LIFR: variants seen among roughly 807,000 people sequenced by gnomAD.
LIFR encodes LIF receptor subunit alpha.
In LIFR, 84 loss-of-function variants were observed where a neutral mutation model predicts 122.2. That is an observed-to-expected ratio of 0.69 (90% CI 0.58 to 0.82). The LOEUF is 0.82. Ranked by LOEUF, LIFR falls within the 40% of genes least tolerant of loss-of-function variation. The probability of loss-of-function intolerance (pLI) is 0.00; values close to 1 mark genes in which losing one functional copy is unlikely to be tolerated. For synonymous variants in LIFR, 422 were observed against 434.7 expected (o/e 0.97, Z 0.36); for missense variants, 1,294 against 1,311.6 (o/e 0.99, Z 0.21).
At position 38,479,526 on chromosome 5, in the gene LIFR, G is replaced by GA. The variant is rs1322163840; in HGVS notation, c.*2068dup. On this transcript the variant is annotated 3_prime_UTR_variant, in exon 20 of 20. Transcript: ENST00000453190. ...AAATGCATATATATTGACAGACAGAGATCAAACAATCTCTTCTGGCCTTTT... is the reference window on the plus strand; with the variant it reads ...AAATGCATATATATTGACAGACAGAGAATCAAACAATCTCTTCTGGCCTTTT... 3 of 231,456 alleles carry GA rather than the reference G, an allele frequency of 1.3e-5. No homozygotes were observed. Among genetic ancestry groups the GA allele is most frequent in the African/African-American group, 6.6e-5 (3 of 45,258 alleles). The allele number at this position is 231,456 out of a possible 1,614,324, so 14.3% of individuals were successfully genotyped here. A position where few individuals can be genotyped will look rare whatever the true frequency, so the allele number is the denominator to read the frequency against.
intron 7 of LIFR, among the ~76,000 whole-genome samples, chr5:38,507,481 T>G (rs979985718): frequency 1.3e-5 from 2 of 150,718 alleles, no homozygotes; most frequent in Non-Finnish European, 2.9e-5. Context: ...GGAGAACCGC[T>G]TGAACCTGGG....
At position 38,482,214 on chromosome 5, in the gene LIFR, C is replaced by T. The variant is rs1369925201; in HGVS notation, c.2675G>A (p.Ser892Asn). The part of the protein sequence containing the change: ...LQFQKSVCEG[S>N]SALKTLEMNP... ...CATTTCCAATGTTTTAAGAGCACTG[C>T]TTCCCTAGAAATAAATTTAAACACA... The change falls in exon 20 of 20, where the codon AGC becomes AAC. Residue 892 changes from serine (S) to asparagine (N), a missense_variant. Ser to Asn is a conservative substitution (Grantham distance 46). Coordinates refer to ENST00000453190, the MANE Select transcript of LIFR (RefSeq NM_001127671.2). 6.2e-7 allele frequency: 1 copy of T among 1,604,430 alleles called. No individual in the cohort carries two copies. Among genetic ancestry groups the T allele is most frequent in the Admixed American group, 1.7e-5 (1 of 57,364 alleles).
chr5:38,541,562 T>A (rs745328097), intron 1 of LIFR, among the ~76,000 whole-genome samples: 1 of 152,240 alleles, frequency 6.6e-6, no homozygotes, highest in Non-Finnish European at 1.5e-5. Flanking sequence ...TATCACATGA[T>A]CAACCTTACT....
chr5:38,504,415 C>CAAAAAAAAAAAAAAAAAAAAAAAAA (rs71604899), intron 9 of LIFR, among the ~76,000 whole-genome samples: 3 of 120,444 alleles, frequency 2.5e-5, no homozygotes, highest in African/African-American at 6.3e-5. Flanking sequence ...AGGGAATGAC[C>CAAAAAAAAAAAAAAAAAAAAAAAAA]AAAAAAAAAA....
In LIFR at chr5:38,480,129, C is replaced by G. The variant is rs1743912111; in HGVS notation, c.*1466G>C. 8.9e-6 allele frequency: 2 copies of G among 225,520 alleles called. No homozygotes were observed. Among genetic ancestry groups the G allele is most frequent in the African/African-American group, 4.7e-5 (2 of 42,836 alleles). 14.0% of individuals were successfully genotyped at this position (225,520 alleles called of 1,614,324 possible). On this transcript the variant is annotated 3_prime_UTR_variant, in exon 20 of 20. Transcript: ENST00000453190. ...CAGATGATAAAAAACAAACAAACAA[C>G]CAAAAAAAACAAACAAAAAAGACAT...
At chr5:38,580,166 T>G (rs1348202047) in intron 1 of LIFR, among the ~76,000 whole-genome samples, 1 of 152,160 alleles carries the variant, frequency 6.6e-6, no homozygotes, top group East Asian at 1.9e-4. Flanking sequence ...CATTTTCTAC[T>G]TTTTCTCCAC....
Position 38,521,677 on chromosome 5 carries a change from T to C in LIFR, c.561+1742A>G, listed in dbSNP as rs549582809. The stretch of plus-strand genomic sequence containing the variant: ...TCAGGCCCCTGGCCAGCAGGTGTGG[T>C]GTGGGTGATGGCAGTAGCAGTGGTA... On this transcript the variant is annotated intron_variant, in intron 5 of 19. Transcript: ENST00000453190. 7.9e-5 allele frequency among the ~76,000 whole-genome samples: 12 copies of C among 151,884 alleles called. No homozygotes were observed. The South Asian group carries it at 2.5e-3, about 32-fold the overall frequency.
At chr5:38,606,056 G>A (rs562816829) in intron 2 of LIFR, 4 of 152,300 alleles carry the variant, frequency 2.6e-5, no homozygotes, top group East Asian at 1.9e-4. Context: ...GGGTTCACAA[G>A]TGTTTGTGAA....
At chr5:38,554,885 G>A (rs1446622714) in intron 1 of LIFR, 1 of 152,122 alleles carries the variant, frequency 6.6e-6, no homozygotes, top group African/African-American at 2.4e-5. Context: ...CCATTCAGAA[G>A]CAAATTTTTC....
chr5:38,572,265 G>T (rs1426475216), intron 1 of LIFR, among the ~76,000 whole-genome samples: 1 of 152,202 alleles, frequency 6.6e-6, no homozygotes, highest in African/African-American at 2.4e-5. Context: ...AGGCAAAGAA[G>T]GAGCAGGTGT....
intron 1 of LIFR, among the ~76,000 whole-genome samples, chr5:38,571,501 G>T (rs1483836523): frequency 8.1e-6 from 1 of 123,294 alleles, no homozygotes. Context: ...GTTGCAGTGA[G>T]CCAAGATTGT....
chr5:38,598,233 A>ATTTTTTTTTTTTTTTTTTTTTTTTTT (rs1750151838), upstream of LIFR, among the ~76,000 whole-genome samples: 1 of 31,982 alleles, frequency 3.1e-5, no homozygotes, highest in Non-Finnish European at 5.5e-5. Flanking sequence ...TTTTTTTTTT[A>ATTTTTTTTTTTTTTTTTTTTTTTTTT]TTTATTTATT....
chr5:38,505,256 T>G (rs1244366781), intron 9 of LIFR, among the ~76,000 whole-genome samples: 1 of 152,090 alleles, frequency 6.6e-6, no homozygotes, highest in Admixed American at 6.5e-5. Flanking sequence ...ATAGATTCGT[T>G]GTTGTCAAGG....
chr5:38,536,592 C>T (rs906485471), intron 1 of LIFR, among the ~76,000 whole-genome samples: 7 of 152,172 alleles, frequency 4.6e-5, no homozygotes, highest in Non-Finnish European at 1.0e-4. Flanking sequence ...TAAGTGGATA[C>T]ACGTTATTTC....
intron 18 of LIFR, among the ~76,000 whole-genome samples, chr5:38,483,622 G>C (rs1296812055): frequency 1.3e-5 from 2 of 151,984 alleles, no homozygotes; most frequent in Non-Finnish European, 2.9e-5. Flanking sequence ...GTAGAGACAG[G>C]GTTTCACCAT....
intron 10 of LIFR, 144 bp downstream of exon 10, chr5:38,503,831 TA>T: frequency 1.5e-6 from 1 of 663,850 alleles, no homozygotes; most frequent in South Asian, 1.9e-5. Flanking sequence ...ATGCTGTTAT[TA>T]CATGGATAGT....
intron 16 of LIFR, among the ~76,000 whole-genome samples, chr5:38,486,817 CCCA>C (rs1405527369): frequency 6.6e-6 from 1 of 152,186 alleles, no homozygotes; most frequent in East Asian, 1.9e-4. Context: ...CACCCTTTCC[CCCA>C]CCACATCATT....
chr5:38,605,442 C>T (rs1184021613), intron 2 of LIFR, among the ~76,000 whole-genome samples: 1 of 152,126 alleles, frequency 6.6e-6, no homozygotes, highest in African/African-American at 2.4e-5. Context: ...GTGATAATCA[C>T]AGTACCCCTT....
Position 38,481,828 on chromosome 5 carries a change from C to G in LIFR, c.3061G>C (p.Asp1021His), listed in dbSNP as rs548778843. 1 of 1,614,096 alleles carries G rather than the reference C, an allele frequency of 6.2e-7. No individual in the cohort carries two copies. Among genetic ancestry groups the G allele is most frequent in the African/African-American group, 1.3e-5 (1 of 75,030 alleles). The part of the protein sequence containing the change: ...STVEDIAAEE[D>H]LDKTAGYRPQ... ...CTGTAACCCGCAGTTTTATCTAAGT[C>G]CTCTTCTGCAGCTATATCTTCCACA... Residue 1021 changes from aspartate (D) to histidine (H), a missense_variant, in exon 20 of 20, where the codon GAC (aspartate) becomes CAC (histidine). Coordinates refer to ENST00000453190, the MANE Select transcript of LIFR (RefSeq NM_001127671.2).
Sources: gnomAD v4.1 joint callset for allele counts (sites outside exome capture counted in the v4.1 genomes callset) on GRCh38, gnomAD v4.1.1 for gene constraint, MANE v1.5 for transcripts, NCBI Gene and HGNC (gene_info 2026-07-23, HGNC 2026-07-21) for gene names.